Variants in SLIT3 observed in about 807,000 individuals in gnomAD.
The protein encoded by SLIT3 is slit guidance ligand 3, also known as slit homolog 3 protein.
In SLIT3, 68 loss-of-function variants were observed where a neutral mutation model predicts 184.0. The ratio of observed to expected loss-of-function variants is 0.37; its 90% CI spans 0.30 to 0.45. SLIT3 has a LOEUF of 0.45. Among genes scored for constraint, SLIT3 ranks in the 20% least tolerant of loss-of-function variants. SLIT3 has a pLI of 1.00. For synonymous variants in SLIT3, 831 were observed against 828.6 expected (o/e 1.00, Z -0.05); for missense variants, 1,707 against 2,026.0 (o/e 0.84, Z 3.02).
At chr5:169,194,768 C>T (rs1003149488) in intron 3 of SLIT3, among the ~76,000 whole-genome samples, 7 of 152,108 alleles carry the variant, frequency 4.6e-5, no homozygotes, top group South Asian at 2.1e-4. Flanking sequence ...TGTTGGCCAA[C>T]GGAGCCAGTT....
At chr5:168,684,815 G>A (rs1761695170) in intron 31 of SLIT3, among the ~76,000 whole-genome samples, 1 of 151,986 alleles carries the variant, frequency 6.6e-6, no homozygotes, top group Non-Finnish European at 1.5e-5. Flanking sequence ...TTAATTCAAT[G>A]TTTGCTAGGA....
At chr5:168,873,553 C>A (rs1443052094) in intron 5 of SLIT3, among the ~76,000 whole-genome samples, 4 of 152,034 alleles carry the variant, frequency 2.6e-5, no homozygotes, top group Admixed American at 6.5e-5. Flanking sequence ...TCGCTTGAGC[C>A]CAGGAGGCAG....
intron 32 of SLIT3, among the ~76,000 whole-genome samples, chr5:168,680,978 C>T (rs1013686610): frequency 6.6e-6 from 1 of 152,182 alleles, no homozygotes; most frequent in Admixed American, 6.5e-5. Context: ...TGATGAAACC[C>T]TGTCTCTTCC....
chr5:169,197,433 A>C (rs1763774574), intron 3 of SLIT3, among the ~76,000 whole-genome samples: 2 of 152,104 alleles, frequency 1.3e-5, no homozygotes, highest in Admixed American at 1.3e-4. Context: ...TGCATAAGGT[A>C]CACTTCCCAT....
chr5:169,245,405 G>C (rs1765555417), intron 2 of SLIT3, among the ~76,000 whole-genome samples: 2 of 152,062 alleles, frequency 1.3e-5, no homozygotes, highest in Non-Finnish European at 2.9e-5. Flanking sequence ...AAGTGAGTCT[G>C]GTTCACGCAT....
intron 4 of SLIT3, among the ~76,000 whole-genome samples, chr5:168,946,535 C>G (rs1350220055): frequency 6.6e-6 from 1 of 152,244 alleles, no homozygotes; most frequent in Non-Finnish European, 1.5e-5. Flanking sequence ...CAGCCTTGTT[C>G]ACGCAGCACA....
chr5:169,231,050 A>G (rs568716957), intron 3 of SLIT3, among the ~76,000 whole-genome samples: 22 of 152,218 alleles, frequency 1.4e-4, no homozygotes, highest in African/African-American at 5.3e-4. Flanking sequence ...ATGTCCCTTC[A>G]TTGTAACATT....
intron 4 of SLIT3, among the ~76,000 whole-genome samples, chr5:169,083,083 A>C (rs1192679501): frequency 1.3e-5 from 2 of 152,242 alleles, no homozygotes; most frequent in African/African-American, 2.4e-5. Context: ...TGGTGAGAAG[A>C]AACATCATTA....
At chr5:169,174,410 G>A (rs1299022080) in intron 4 of SLIT3, among the ~76,000 whole-genome samples, 1 of 152,180 alleles carries the variant, frequency 6.6e-6, no homozygotes, top group Non-Finnish European at 1.5e-5. Context: ...AGGAAGTGAA[G>A]AGAGCATCTC....
chr5:169,172,853 G>A (rs182167113), intron 4 of SLIT3, among the ~76,000 whole-genome samples: 24 of 152,290 alleles, frequency 1.6e-4, no homozygotes, highest in Middle Eastern at 3.4e-3. Context: ...CACCAGTCTC[G>A]GAGTTGGAGT....
chr5:169,032,602 T>TGG lies in SLIT3; in HGVS notation c.414-149267_414-149266insCC, dbSNP rs1757072076. Reference sequence around the variant, plus strand: ...TTCCCCTCCATGTTTTAGTTTCGTTTTTTTTTTTTTCAGTGTAAAGAATAC... The same window carrying TGG: ...TTCCCCTCCATGTTTTAGTTTCGTTTGGTTTTTTTTTTCAGTGTAAAGAATAC... On this transcript the variant is annotated intron_variant, in intron 4 of 35. Transcript: ENST00000519560. Among the ~76,000 whole-genome samples the TGG allele has an allele frequency of 2.0e-5, 3 of 151,750 alleles. 1 individual carries two copies. The highest frequency in any genetic ancestry group is 4.8e-5 in the African/African-American group (2 of 41,394).
At chr5:168,930,561 G>C (rs948249544) in intron 4 of SLIT3, among the ~76,000 whole-genome samples, 3 of 152,088 alleles carry the variant, frequency 2.0e-5, no homozygotes, top group Non-Finnish European at 4.4e-5. Context: ...TAGGTGGGGA[G>C]GCTCTGAAGA....
rs773734755 is a variant in SLIT3 at position 168,687,070 on chromosome 5, T to C, written c.3223A>G (p.Asn1075Asp). 3.1e-6 allele frequency: 5 copies of C among 1,614,148 alleles called. No individual in the cohort carries two copies. The highest frequency in any genetic ancestry group is 4.2e-6 in the Non-Finnish European group (5 of 1,180,052). ...GYSGKLCETD[N>D]DDCVAHKCRH... ...CACTTGTGGGCCACACAGTCATCATTGTCTGTCTCACAGAGCTTCCCGCTG... is the reference window on the plus strand; with the variant it reads ...CACTTGTGGGCCACACAGTCATCATCGTCTGTCTCACAGAGCTTCCCGCTG... Residue 1075 changes from asparagine to aspartate, a missense_variant, in exon 30 of 36, where the codon AAT becomes GAT. Physicochemically the swap from Asn to Asp is conservative, Grantham distance 23 (BLOSUM62 1). This residue lies in a region of SLIT3 where 1,307 missense variants were observed against 1,511.6 expected (regional missense o/e 0.86). Coordinates refer to ENST00000519560, the MANE Select transcript of SLIT3 (RefSeq NM_003062.4).
intron 4 of SLIT3, among the ~76,000 whole-genome samples, chr5:169,117,926 G>A (rs17555647): frequency 0.19 from 29,172 of 152,156 alleles, 3,348 homozygotes; most frequent in Middle Eastern, 0.28. Context: ...ACTAAGAAAA[G>A]ACGCTCTCAT....
At chr5:168,996,661 C>T (rs886864941) in intron 4 of SLIT3, among the ~76,000 whole-genome samples, 26 of 152,326 alleles carry the variant, frequency 1.7e-4, no homozygotes, top group African/African-American at 3.4e-4. Context: ...ATGAATGTTA[C>T]AGCAGCGGAT....
intron 4 of SLIT3, among the ~76,000 whole-genome samples, chr5:169,164,212 C>T (rs1561708083): frequency 6.6e-6 from 1 of 152,164 alleles, no homozygotes; most frequent in Non-Finnish European, 1.5e-5. Context: ...TAAGTACCAT[C>T]CTCGGACTCC....
At chr5:168,950,176 T>A (rs1354076250) in intron 4 of SLIT3, among the ~76,000 whole-genome samples, 2 of 151,854 alleles carry the variant, frequency 1.3e-5, no homozygotes, top group African/African-American at 2.4e-5. Flanking sequence ...AATTGTGCCC[T>A]TATAAAAGGG....
chr5:169,077,429 C>T (rs1274955789), intron 4 of SLIT3, among the ~76,000 whole-genome samples: 2 of 151,952 alleles, frequency 1.3e-5, no homozygotes, highest in Non-Finnish European at 2.9e-5. Flanking sequence ...ATCCCAGCTA[C>T]TTGGGAAGCT....
At chr5:169,134,730 C>T (rs1180032909) in intron 4 of SLIT3, among the ~76,000 whole-genome samples, 2 of 152,124 alleles carry the variant, frequency 1.3e-5, no homozygotes, top group East Asian at 3.8e-4. Flanking sequence ...GCACATGTAC[C>T]CTAGAACTTA....
Sources: allele counts gnomAD v4.1 joint callset (sites outside exome capture counted in the v4.1 genomes callset), GRCh38; gene constraint gnomAD v4.1.1; regional missense constraint gnomAD v4.1.1; transcripts MANE v1.5; gene names NCBI Gene and HGNC (gene_info 2026-07-23, HGNC 2026-07-21).